GALNTL6: variants seen among roughly 807,000 people sequenced by gnomAD.
GALNTL6 encodes the protein polypeptide N-acetylgalactosaminyltransferase-like 6.
GALNTL6 carries 46 observed loss-of-function variants against 73.7 expected under a neutral mutation model. The ratio of observed to expected loss-of-function variants is 0.62; its 90% CI spans 0.49 to 0.80. GALNTL6 has a LOEUF of 0.80. GALNTL6 is among the 30% of genes least tolerant of loss of function. The pLI, the probability that GALNTL6 is intolerant of heterozygous loss-of-function variation, is 0.00. For synonymous variants in GALNTL6, 259 were observed against 263.7 expected (o/e 0.98, Z 0.17); for missense variants, 604 against 755.0 (o/e 0.80, Z 2.34).
chr4:172,403,616 T>C (rs967645973), intron 5 of GALNTL6, among the ~76,000 whole-genome samples: 3 of 152,044 alleles, frequency 2.0e-5, no homozygotes, highest in African/African-American at 7.2e-5. Context: ...ACAATATACA[T>C]CATCACTTAG....
At chr4:172,422,859 C>T (rs1731099735) in intron 5 of GALNTL6, among the ~76,000 whole-genome samples, 1 of 151,282 alleles carries the variant, frequency 6.6e-6, no homozygotes, top group Non-Finnish European at 1.5e-5. Flanking sequence ...TCTACCTCTT[C>T]CCTCTATTGT....
At chr4:172,084,056 T>C (rs1200634086) in intron 2 of GALNTL6, among the ~76,000 whole-genome samples, 1 of 152,188 alleles carries the variant, frequency 6.6e-6, no homozygotes, top group Non-Finnish European at 1.5e-5. Flanking sequence ...CAGAGATTGA[T>C]GTCATAGGAA....
intron 2 of GALNTL6, among the ~76,000 whole-genome samples, chr4:171,920,239 G>T (rs945442959): frequency 2.6e-5 from 4 of 152,026 alleles, no homozygotes; most frequent in Admixed American, 6.6e-5. Context: ...TGGGGTAGGG[G>T]GAGAGGGGAG....
chr4:172,501,726 A>G (rs1410587894), intron 5 of GALNTL6, among the ~76,000 whole-genome samples: 1 of 152,150 alleles, frequency 6.6e-6, no homozygotes, highest in Non-Finnish European at 1.5e-5. Flanking sequence ...CCACATAAAT[A>G]TGATCCAGGT....
At chr4:171,872,266 C>G (rs542369502) in intron 2 of GALNTL6, among the ~76,000 whole-genome samples, 1 of 152,178 alleles carries the variant, frequency 6.6e-6, no homozygotes, top group East Asian at 1.9e-4. Context: ...TGAACTATGG[C>G]CTAAGCCAGG....
chr4:172,006,033 T>A lies in GALNTL6; in HGVS notation c.138+191315T>A, dbSNP rs572048766. Among the ~76,000 whole-genome samples, 6 of 152,336 alleles carry A rather than the reference T, an allele frequency of 3.9e-5. No individual in the cohort carries two copies. In the South Asian group the frequency reaches 1.2e-3, roughly 32 times the overall value. On this transcript the variant is annotated intron_variant, in intron 2 of 12. Transcript: ENST00000506823. ...TCTTACATTTTAATTGCAGAGAGAATCTAGTTCCTCCAGCTGTCATTGCTT... is the reference window on the plus strand; with the variant it reads ...TCTTACATTTTAATTGCAGAGAGAAACTAGTTCCTCCAGCTGTCATTGCTT...
intron 10 of GALNTL6, among the ~76,000 whole-genome samples, chr4:173,007,660 G>T (rs1752363224): frequency 6.6e-6 from 1 of 152,154 alleles, no homozygotes; most frequent in African/African-American, 2.4e-5. Flanking sequence ...ACCAAAATTA[G>T]CTTGGCGTGG....
chr4:172,074,319 T>C (rs1192821260), intron 2 of GALNTL6, among the ~76,000 whole-genome samples: 3 of 152,180 alleles, frequency 2.0e-5, no homozygotes, highest in Non-Finnish European at 4.4e-5. Context: ...TAAAACCTGC[T>C]TCAAAAGGTG....
chr4:171,983,471 T>C (rs1351552084), intron 2 of GALNTL6, among the ~76,000 whole-genome samples: 1 of 144,432 alleles, frequency 6.9e-6, no homozygotes, highest in Non-Finnish European at 1.5e-5. Flanking sequence ...TGATTTTATT[T>C]ATTTATTTAT....
chr4:172,262,082 G>A (rs981176471), intron 3 of GALNTL6, among the ~76,000 whole-genome samples: 1 of 151,294 alleles, frequency 6.6e-6, no homozygotes, highest in Non-Finnish European at 1.5e-5. Context: ...AATGTTCCAT[G>A]TGCTTAAAAA....
chr4:172,316,952 T>G (rs1030906497), intron 4 of GALNTL6, among the ~76,000 whole-genome samples: 2 of 152,066 alleles, frequency 1.3e-5, no homozygotes, highest in Non-Finnish European at 2.9e-5. Context: ...GCTGGCCAAC[T>G]ACAGTAAGCT....
intron 5 of GALNTL6, among the ~76,000 whole-genome samples, chr4:172,413,350 G>A (rs575663979): frequency 3.5e-4 from 53 of 152,288 alleles, no homozygotes; most frequent in Admixed American, 1.7e-3. Flanking sequence ...TTTACACTCT[G>A]GCAACTAATA....
chr4:172,617,293 T>C (rs1464450208), intron 5 of GALNTL6, among the ~76,000 whole-genome samples: 2 of 151,598 alleles, frequency 1.3e-5, no homozygotes, highest in Admixed American at 6.6e-5. Context: ...TGAGATAAAC[T>C]AGCTATTGAG....
chr4:172,894,885 T>G (rs953706193), intron 8 of GALNTL6, among the ~76,000 whole-genome samples: 3 of 152,086 alleles, frequency 2.0e-5, no homozygotes, highest in African/African-American at 7.2e-5. Flanking sequence ...GCACATGTAT[T>G]TATAATTGTT....
chr4:172,498,118 G>T (rs1734132984), intron 5 of GALNTL6, among the ~76,000 whole-genome samples: 1 of 151,282 alleles, frequency 6.6e-6, no homozygotes, highest in African/African-American at 2.4e-5. Context: ...AGCCTCCTGA[G>T]TAGCTGGGAC....
chr4:172,878,919 A>C (rs922296554), intron 7 of GALNTL6, among the ~76,000 whole-genome samples: 2 of 151,876 alleles, frequency 1.3e-5, no homozygotes, highest in Non-Finnish European at 3.0e-5. Context: ...AAAGTTATAA[A>C]TACTAGTATT....
chr4:172,271,578 G>T (rs1235958751), intron 3 of GALNTL6, among the ~76,000 whole-genome samples: 1 of 151,914 alleles, frequency 6.6e-6, no homozygotes, highest in Non-Finnish European at 1.5e-5. Context: ...GCATATATGT[G>T]CATTTATAGG....
intron 4 of GALNTL6, among the ~76,000 whole-genome samples, chr4:172,339,611 C>T (rs1013691036): frequency 6.6e-6 from 1 of 152,176 alleles, no homozygotes; most frequent in Non-Finnish European, 1.5e-5. Context: ...GCTTTCAACT[C>T]CAGTCGGGGA....
Position 172,978,614 on chromosome 4 carries a change from A to T in GALNTL6, c.1371+26356A>T, listed in dbSNP as rs116740879. 7.5e-3 allele frequency among the ~76,000 whole-genome samples: 1,145 copies of T among 152,358 alleles called. 6 individuals carry two copies. The highest frequency in any genetic ancestry group is 0.014 in the Non-Finnish European group (920 of 68,040). ...TTATGTTAGTAGGTTACCCAATTTC[A>T]GTGCGTAAAATGAGCAAATAAAATT... is the stretch of plus-strand genomic sequence containing the variant. On this transcript the variant is annotated intron_variant, in intron 10 of 12. Transcript: ENST00000506823.
Sources: gnomAD v4.1 joint callset for allele counts (sites outside exome capture counted in the v4.1 genomes callset) on GRCh38, gnomAD v4.1.1 for gene constraint, MANE v1.5 for transcripts, NCBI Gene and HGNC (gene_info 2026-07-23, HGNC 2026-07-21) for gene names.